GABRA5: variants seen among roughly 807,000 people sequenced by gnomAD.
The protein encoded by GABRA5 is gamma-aminobutyric acid receptor subunit alpha-5.
GABRA5 carries 18 observed loss-of-function variants against 47.3 expected under a neutral mutation model. That is an observed-to-expected ratio of 0.38 (90% CI 0.26 to 0.56). The LOEUF is 0.56. Among genes scored for constraint, GABRA5 ranks in the 20% least tolerant of loss-of-function variants. The pLI, the probability that GABRA5 is intolerant of heterozygous loss-of-function variation, is 0.71. For synonymous variants in GABRA5, 237 were observed against 229.3 expected (o/e 1.03, Z -0.30); for missense variants, 365 against 599.3 (o/e 0.61, Z 4.08).
intron 6 of GABRA5, among the ~76,000 whole-genome samples, chr15:26,893,326 GTT>G (rs1225775272): frequency 4.4e-4 from 5 of 11,252 alleles, no homozygotes; most frequent in Non-Finnish European, 9.5e-4. Flanking sequence ...TATATGGCGT[GTT>G]GTGTGTCTAT....
chr15:26,903,081 G>C (rs1893362954), intron 6 of GABRA5, among the ~76,000 whole-genome samples: 1 of 152,066 alleles, frequency 6.6e-6, no homozygotes, highest in South Asian at 2.1e-4. Flanking sequence ...GTAGCCAATA[G>C]TTATTTTTCC....
At chr15:26,917,741 A>T (rs1315701321) in intron 7 of GABRA5, among the ~76,000 whole-genome samples, 2 of 151,916 alleles carry the variant, frequency 1.3e-5, no homozygotes, top group East Asian at 3.9e-4. Context: ...CTTCCTTACT[A>T]GTTATTGATC....
chr15:26,937,338 C>G lies in GABRA5; in HGVS notation c.724+10C>G, dbSNP rs767116452. The G allele has an allele frequency of 1.3e-6, 2 of 1,598,318 alleles. No individual in the cohort carries two copies. The highest frequency in any genetic ancestry group is 1.7e-6 in the Non-Finnish European group (2 of 1,172,358). ...ATCAGCACCAGCACAGGTGAGGGCT[C>G]GGCACGCGCTGTGCTGCCAGGCGCA... is the stretch of plus-strand genomic sequence containing the variant. On this transcript the variant is annotated intron_variant, in intron 8 of 10. Transcript: ENST00000335625.
At chr15:26,878,503 AAAAC>A (rs919230904) in intron 3 of GABRA5, among the ~76,000 whole-genome samples, 2 of 152,176 alleles carry the variant, frequency 1.3e-5, no homozygotes, top group Non-Finnish European at 2.9e-5. Flanking sequence ...ATGAAAAAAC[AAAAC>A]AAACAAACAA....
intron 6 of GABRA5, among the ~76,000 whole-genome samples, chr15:26,895,077 G>A (rs1566871364): frequency 6.6e-6 from 1 of 151,838 alleles, no homozygotes; most frequent in Non-Finnish European, 1.5e-5. Context: ...TTTTATGTAT[G>A]GATGGCTCCT....
intron 7 of GABRA5, among the ~76,000 whole-genome samples, chr15:26,921,328 T>C (rs1202055964): frequency 6.6e-6 from 1 of 152,158 alleles, no homozygotes; most frequent in Non-Finnish European, 1.5e-5. Context: ...GTACTTCTTA[T>C]TAGGTGAGTT....
chr15:26,899,137 A>G (rs1258986789), intron 6 of GABRA5, among the ~76,000 whole-genome samples: 7 of 152,198 alleles, frequency 4.6e-5, no homozygotes, highest in Admixed American at 4.6e-4. Flanking sequence ...TGCTGGGATT[A>G]CAGGTGTGAG....
intron 6 of GABRA5, among the ~76,000 whole-genome samples, chr15:26,894,493 C>T (rs1055197457): frequency 6.6e-6 from 1 of 152,154 alleles, no homozygotes; most frequent in African/African-American, 2.4e-5. Flanking sequence ...ACACAATTTG[C>T]GATTTCCGTG....
intron 10 of GABRA5, among the ~76,000 whole-genome samples, chr15:26,946,551 C>A (rs1026046106): frequency 1.3e-5 from 2 of 151,478 alleles, no homozygotes; most frequent in African/African-American, 2.4e-5. Context: ...CTGTTTTATT[C>A]CTTTGAAGCA....
chr15:26,881,191 T>C (rs1892722089), intron 4 of GABRA5, among the ~76,000 whole-genome samples: 1 of 152,208 alleles, frequency 6.6e-6, no homozygotes, highest in Non-Finnish European at 1.5e-5. Flanking sequence ...TTGTTATTTC[T>C]AGGTGGAAGA....
At chr15:26,869,792 C>T (rs1158989543) in intron 3 of GABRA5, among the ~76,000 whole-genome samples, 2 of 152,244 alleles carry the variant, frequency 1.3e-5, no homozygotes, top group African/African-American at 4.8e-5. Flanking sequence ...TCACAATGGT[C>T]CTGGCCTGAG....
intron 7 of GABRA5, among the ~76,000 whole-genome samples, chr15:26,929,908 T>C (rs1894050983): frequency 6.6e-6 from 1 of 152,148 alleles, no homozygotes; most frequent in African/African-American, 2.4e-5. Context: ...CCCGGTATTC[T>C]CTCCCAAACA....
In GABRA5 at chr15:26,883,574, G is replaced by A. The variant is rs1892795326; in HGVS notation, c.497+17G>A. Reference sequence around the variant, plus strand: ...CACCATGCGGTGAGCGCCGGGCGGGGGCGGGCGGGGCCGGGGGACGGTGCG... The same window carrying A: ...CACCATGCGGTGAGCGCCGGGCGGGAGCGGGCGGGGCCGGGGGACGGTGCG... On this transcript the variant is annotated intron_variant, in intron 6 of 10. Transcript: ENST00000335625. This position sits in a 1 kb window ranked among gnomAD's most constrained non-coding sequence, Gnocchi z 4.8. 2 of 1,525,352 alleles carry A rather than the reference G, an allele frequency of 1.3e-6. No individual in the cohort carries two copies. The highest frequency in any genetic ancestry group is 1.8e-6 in the Non-Finnish European group (2 of 1,123,306). 94.5% of individuals were successfully genotyped at this position (1,525,352 alleles called of 1,614,324 possible). A position where few individuals can be genotyped will look rare whatever the true frequency, so the allele number is the denominator to read the frequency against.
chr15:26,914,349 T>C (rs968952590), intron 6 of GABRA5, among the ~76,000 whole-genome samples: 2 of 152,212 alleles, frequency 1.3e-5, no homozygotes, highest in East Asian at 1.9e-4. Flanking sequence ...ATATTTGTAA[T>C]TGTATTACTT....
At chr15:26,919,225 T>C (rs767566364) in intron 7 of GABRA5, among the ~76,000 whole-genome samples, 4 of 152,138 alleles carry the variant, frequency 2.6e-5, no homozygotes, top group Non-Finnish European at 4.4e-5. Flanking sequence ...GATTGAGGAG[T>C]TTAATTCATT....
intron 3 of GABRA5, among the ~76,000 whole-genome samples, chr15:26,871,752 A>G (rs1479775596): frequency 2.0e-5 from 3 of 152,140 alleles, no homozygotes; most frequent in African/African-American, 7.2e-5. Context: ...AAAATGTATT[A>G]TTTTAAATGG....
intron 6 of GABRA5, among the ~76,000 whole-genome samples, chr15:26,912,189 G>A (rs1893612798): frequency 6.6e-6 from 1 of 152,160 alleles, no homozygotes; most frequent in African/African-American, 2.4e-5. Flanking sequence ...TTCCTCGTGT[G>A]CTCATCTTCA....
At chr15:26,896,849 C>T (rs1487488005) in intron 6 of GABRA5, among the ~76,000 whole-genome samples, 2 of 152,044 alleles carry the variant, frequency 1.3e-5, no homozygotes, top group Admixed American at 1.3e-4. Context: ...TATCACTGCT[C>T]CATTTCCTCG....
chr15:26,920,002 C>A (rs1352519616), intron 7 of GABRA5, among the ~76,000 whole-genome samples: 1 of 151,948 alleles, frequency 6.6e-6, no homozygotes, highest in African/African-American at 2.4e-5. Context: ...TTTATAACAA[C>A]TGGCTTCTCT....
Sources: allele counts gnomAD v4.1 joint callset (sites outside exome capture counted in the v4.1 genomes callset), GRCh38; gene constraint gnomAD v4.1.1; non-coding constraint Gnocchi (gnomAD v3.1); transcripts MANE v1.5; gene names NCBI Gene and HGNC (gene_info 2026-07-23, HGNC 2026-07-21).